CCDC154: variants seen among roughly 807,000 people sequenced by gnomAD.
The protein encoded by CCDC154 is coiled-coil domain containing 154.
A neutral mutation model predicts 87.5 loss-of-function variants in CCDC154; 91 were observed. That is an observed-to-expected ratio of 1.04 (90% confidence interval 0.88 to 1.24). The LOEUF (loss-of-function observed/expected upper bound fraction) is 1.24. CCDC154 is among the 50% of genes most tolerant of loss of function. CCDC154 has a pLI of 0.00. For missense variants in CCDC154, 903 were observed against 879.2 expected (o/e 1.03, Z -0.34); for synonymous variants, 418 against 400.4 (o/e 1.04, Z -0.52).
chr16:1,437,025 C>T (rs1040042583), intron 11 of CCDC154: 33 of 647,408 alleles, frequency 5.1e-5, no homozygotes, highest in Admixed American at 1.5e-4. Flanking sequence ...GCCGAGGGCC[C>T]GTGGGGGCTG....
chr16:1,434,581 C>T lies in CCDC154; in HGVS notation c.1878-47G>A, dbSNP rs1346804808. 5.9e-6 allele frequency: 9 copies of T among 1,521,974 alleles called. No individual in the cohort carries two copies. In the African/African-American group the frequency reaches 8.3e-5, roughly 14 times the overall value. The allele number at this position is 1,521,974 out of a possible 1,614,324, so 94.3% of individuals were successfully genotyped here. On this transcript the variant is annotated intron_variant, in intron 16 of 16. Transcript: ENST00000389176. The stretch of plus-strand genomic sequence containing the variant: ...GGCCCCTGCACCCCCGCCCCACCCC[C>T]CATGGCCCACCTGCTGCCTGTGGGC...
chr16:1,440,055 G>A (rs189066272), intron 6 of CCDC154, among the ~76,000 whole-genome samples: 69 of 150,820 alleles, frequency 4.6e-4, no homozygotes, highest in Middle Eastern at 6.9e-3. Context: ...GCTGAGGCAG[G>A]AGAATCGCTT....
rs1380493469 is a variant in CCDC154 at position 1,436,821 on chromosome 16, A to G, written c.1291-10T>C. On this transcript the variant is annotated splice_polypyrimidine_tract_variant and intron_variant, in intron 11 of 16. Coordinates refer to ENST00000389176, the MANE Select transcript of CCDC154 (RefSeq NM_001143980.3). ...CCCATTCGGTCTTTGCCTGGGGTAC[A>G]GATGCCCAGTGAGGGACAAAGCCAA... is the stretch of plus-strand genomic sequence containing the variant. 6.4e-7 allele frequency: 1 copy of G among 1,550,412 alleles called. No homozygotes were observed. The highest frequency in any genetic ancestry group is 1.4e-5 in the African/African-American group (1 of 73,182).
In CCDC154 at chr16:1,436,031, G is replaced by A. The variant is rs1443368062; in HGVS notation, c.1543C>T (p.Gln515Ter). ...CCAGGGTTGTCTTCCTTTAGCAGCTGCACGGATGATAGTAGCGTGGCCAGC... is the reference window on the plus strand; with the variant it reads ...CCAGGGTTGTCTTCCTTTAGCAGCTACACGGATGATAGTAGCGTGGCCAGC... ...QELATLLSSV[Q>*]LLKEDNPGRK... The change falls in exon 14 of 17, where the codon CAG becomes TAG. Residue 515 changes from glutamine (Q) to a stop codon, truncating the protein, a stop_gained. Transcript: ENST00000389176. LOFTEE classifies it high-confidence loss of function. 1.3e-6 allele frequency: 2 copies of A among 1,550,244 alleles called. No individual in the cohort carries two copies. The highest frequency in any genetic ancestry group is 1.4e-5 in the African/African-American group (1 of 73,056).
intron 5 of CCDC154, 40 bp downstream of exon 5, chr16:1,442,840 A>T: frequency 6.6e-7 from 1 of 1,522,754 alleles, no homozygotes; most frequent in Non-Finnish European, 8.9e-7. Context: ...AAATGACCCC[A>T]CGCAAGCTCC....
At position 1,437,922 on chromosome 16, in the gene CCDC154, G is replaced by C. The variant is rs1477025871; in HGVS notation, c.1185C>G (p.Ser395=). Reference sequence around the variant, plus strand: ...TTAACTGCCCGGCCAGCTGCGCCACGGATGCCTCCAGAGCCCGGCTCTTCT... The same window carrying C: ...TTAACTGCCCGGCCAGCTGCGCCACCGATGCCTCCAGAGCCCGGCTCTTCT... ...LREKSRALEA[S]VAQLAGQLKE... is the part of the protein sequence containing the mutation. Residue 395 remains serine, a synonymous_variant, in exon 11 of 17, where the codon TCC becomes TCG. Coordinates refer to ENST00000389176, the MANE Select transcript of CCDC154 (RefSeq NM_001143980.3). 1.3e-6 allele frequency: 2 copies of C among 1,547,272 alleles called. No homozygotes were observed. The highest frequency in any genetic ancestry group is 1.4e-5 in the African/African-American group (1 of 73,158).
chr16:1,442,065 C>T (rs1037376648), intron 6 of CCDC154, among the ~76,000 whole-genome samples: 2 of 152,072 alleles, frequency 1.3e-5, no homozygotes, highest in East Asian at 1.9e-4. Flanking sequence ...TACAGGTGCC[C>T]GCCACCACAC....
chr16:1,435,128 CTTG>C lies in CCDC154; in HGVS notation c.1650_1652del (p.Asn550del). The C allele has an allele frequency of 3.2e-6, 5 of 1,550,400 alleles. No homozygotes were observed. The highest frequency in any genetic ancestry group is 2.0e-5 in the Admixed American group (1 of 51,010). On this transcript the variant is annotated inframe_deletion, in exon 15 of 17. Transcript: ENST00000389176. ...TGTTGAACCTGAGGTTCTGGATGGT[CTTG>C]TTGGCCTGGACGCAGTTTTCCAGCT...
At chr16:1,435,406 T>C in intron 14 of CCDC154, 1 of 573,018 alleles carries the variant, frequency 1.7e-6, no homozygotes, top group African/African-American at 1.9e-5. Context: ...GTTCCGGCCC[T>C]CGTGGCTGCG....
intron 11 of CCDC154, chr16:1,437,184 C>T (rs1024100329): frequency 1.4e-5 from 4 of 277,604 alleles, no homozygotes; most frequent in East Asian, 8.8e-5. Flanking sequence ...ATGCACGTTA[C>T]GCCGCGGTGG....
intron 6 of CCDC154, among the ~76,000 whole-genome samples, chr16:1,441,088 C>T (rs953017073): frequency 1.9e-4 from 29 of 152,330 alleles, no homozygotes; most frequent in African/African-American, 5.8e-4. Context: ...CACCACGCTC[C>T]AGCCTGAACA....
At chr16:1,436,611 G>A in intron 12 of CCDC154, 81 bp downstream of exon 12, 2 of 1,546,200 alleles carry the variant, frequency 1.3e-6, no homozygotes. Flanking sequence ...GGGAGGAGGG[G>A]AGAGGACAAG....
intron 13 of CCDC154, 72 bp downstream of exon 13, chr16:1,436,373 G>T: frequency 7.9e-7 from 1 of 1,265,596 alleles, no homozygotes; most frequent in Non-Finnish European, 1.1e-6. Context: ...GTGGAGAGTA[G>T]CGTGGGGACC....
intron 6 of CCDC154, among the ~76,000 whole-genome samples, chr16:1,440,391 A>C (rs1256515768): frequency 6.6e-6 from 1 of 150,750 alleles, no homozygotes; most frequent in Non-Finnish European, 1.5e-5. Context: ...TGGGGCTTGT[A>C]GTAAGCTGAG....
At chr16:1,440,503 G>A (rs1041505647) in intron 6 of CCDC154, among the ~76,000 whole-genome samples, 7 of 151,088 alleles carry the variant, frequency 4.6e-5, no homozygotes, top group African/African-American at 1.7e-4. Flanking sequence ...GAAAAGAGAA[G>A]AGAAGAGAAG....
At position 1,437,860 on chromosome 16, in the gene CCDC154, C is replaced by G. The variant is rs750314480; in HGVS notation, c.1247G>C (p.Arg416Pro). The change falls in exon 11 of 17, where the codon CGG becomes CCG. Residue 416 changes from arginine (R) to proline (P), a missense_variant. Transcript: ENST00000389176. ...LSGHLPALSS[R>P]LDLQEQMLGL... ...CAGCATCTGCTCCTGCAGATCGAGC[C>G]GGCTGCTCAGAGCCGGGAGATGGCC... 7 of 1,542,654 alleles carry G rather than the reference C, an allele frequency of 4.5e-6. No homozygotes were observed. The Admixed American group carries it at 1.4e-4, about 30-fold the overall frequency.
chr16:1,434,830 A>G lies in CCDC154; in HGVS notation c.1715T>C (p.Leu572Pro). ...ARLRTQEMAT[L>P]WESVLRLWSE... ...CCACAGCCGGAGCACACTCTCCCAC[A>G]GGGTGGCCATCTCCTGCGTGCGCTG... Residue 572 changes from leucine to proline, a missense_variant, in exon 16 of 17, where the codon CTG becomes CCG. By Grantham distance (98) the Leu-to-Pro change is moderately conservative (BLOSUM62 -3). Coordinates refer to ENST00000389176, the MANE Select transcript of CCDC154 (RefSeq NM_001143980.3). 3.3e-6 allele frequency: 5 copies of G among 1,523,514 alleles called. No individual in the cohort carries two copies. The highest frequency in any genetic ancestry group is 4.4e-6 in the Non-Finnish European group (5 of 1,137,702). The allele number at this position is 1,523,514 out of a possible 1,614,324, so 94.4% of individuals were successfully genotyped here.
At position 1,438,807 on chromosome 16, in the gene CCDC154, G is replaced by A. The variant is rs777908652; in HGVS notation, c.906+8C>T. 12 of 1,331,080 alleles carry A rather than the reference G, an allele frequency of 9.0e-6. No individual in the cohort carries two copies. Among genetic ancestry groups the A allele is most frequent in the East Asian group, 5.1e-5 (2 of 39,366 alleles). The allele number at this position is 1,331,080 out of a possible 1,614,324, so 82.5% of individuals were successfully genotyped here. Reference sequence around the variant, plus strand: ...GGCCCCACCTGCCCGCCGCCCGCCCGGCCCCACCTCATGCTGCCCCTGCAG... The same window carrying A: ...GGCCCCACCTGCCCGCCGCCCGCCCAGCCCCACCTCATGCTGCCCCTGCAG... On this transcript the variant is annotated splice_region_variant and intron_variant, in intron 8 of 16. Transcript: ENST00000389176.
In CCDC154 at chr16:1,443,883, G is replaced by A. The variant is rs550754764; in HGVS notation, c.137C>T (p.Ser46Leu). The A allele has an allele frequency of 1.3e-5, 17 of 1,304,178 alleles. No individual in the cohort carries two copies. The African/African-American group carries it at 2.3e-4, about 17-fold the overall frequency. The allele number at this position is 1,304,178 out of a possible 1,614,324, so 80.8% of individuals were successfully genotyped here. A position where few individuals can be genotyped will look rare whatever the true frequency, so the allele number is the denominator to read the frequency against. ...SPEPLSLEEL[S>L]ERYESSHPTS... ...CGGATGGCTGGACTCATACCTCTCC[G>A]AGAGCTCCTCCAGGCTCAAGGGCTC... The change falls in exon 2 of 17, where the codon TCG (serine) becomes TTG (leucine). Residue 46 changes from serine to leucine, a missense_variant. Ser to Leu is a moderately radical substitution (Grantham distance 145). Transcript: ENST00000389176.
Sources: gnomAD v4.1 joint callset for allele counts (sites outside exome capture counted in the v4.1 genomes callset) on GRCh38, gnomAD v4.1.1 for gene constraint, MANE v1.5 for transcripts, NCBI Gene and HGNC (gene_info 2026-07-23, HGNC 2026-07-21) for gene names.